Variants in BPGM observed in about 807,000 individuals in gnomAD.
BPGM encodes bisphosphoglycerate mutase, also known as 2,3-bisphosphoglycerate mutase, erythrocyte.
Under a neutral mutation model 21.6 loss-of-function variants are expected in BPGM, and 15 were observed. That is an observed-to-expected ratio of 0.70 (90% CI 0.47 to 1.07). BPGM has a LOEUF of 1.07. BPGM is among the 50% of genes least tolerant of loss of function. BPGM has a pLI of 0.00. For missense variants in BPGM, 273 were observed against 319.0 expected, an observed-to-expected ratio of 0.86 and a Z score of 1.10; for synonymous variants, 113 against 116.2, an observed-to-expected ratio of 0.97 and a Z score of 0.18.
chr7:134,678,237 G>A (rs938281258), intron 2 of BPGM, among the ~76,000 whole-genome samples: 2 of 152,148 alleles, frequency 1.3e-5, no homozygotes, highest in African/African-American at 4.8e-5. Context: ...TTAGCAGCTG[G>A]AATGTTCAGG....
At chr7:134,675,820 T>A (rs1390077802) in intron 2 of BPGM, among the ~76,000 whole-genome samples, 2 of 152,208 alleles carry the variant, frequency 1.3e-5, no homozygotes, top group Non-Finnish European at 1.5e-5. Flanking sequence ...TTAGGAAATA[T>A]TGCCCTCTTA....
At chr7:134,669,799 A>G (rs560886762) in intron 2 of BPGM, among the ~76,000 whole-genome samples, 7 of 152,328 alleles carry the variant, frequency 4.6e-5, no homozygotes, top group Admixed American at 4.6e-4. Flanking sequence ...AGAATATTAT[A>G]TAGTAAAAAA....
intron 1 of BPGM, chr7:134,658,451 G>T (rs1795676496): frequency 6.6e-6 from 1 of 152,234 alleles, no homozygotes; most frequent in South Asian, 2.1e-4. Flanking sequence ...CATGGTCCTT[G>T]CAGGTCACTG....
intron 1 of BPGM, among the ~76,000 whole-genome samples, chr7:134,655,471 C>T (rs1464257642): frequency 6.6e-6 from 1 of 152,138 alleles, no homozygotes; most frequent in Non-Finnish European, 1.5e-5. Flanking sequence ...GGGTTGAAGG[C>T]AGAAGACCAG....
In BPGM at chr7:134,679,481, T is replaced by C. The variant is rs1163286856; in HGVS notation, c.*450T>C. On this transcript the variant is annotated 3_prime_UTR_variant, in exon 3 of 3. Transcript: ENST00000344924. ...ATATACCGTATGTATTTATTACTAG[T>C]CTTTTCCTCTAGGAAAAGGGATACT... 6.4e-6 allele frequency: 1 copy of C among 156,784 alleles called. No homozygotes were observed. Among genetic ancestry groups the C allele is most frequent in the Non-Finnish European group, 1.4e-5 (1 of 70,602 alleles). 9.7% of individuals were successfully genotyped at this position (156,784 alleles called of 1,614,324 possible).
intron 2 of BPGM, among the ~76,000 whole-genome samples, chr7:134,676,294 GCA>G (rs1190587666): frequency 6.6e-6 from 1 of 152,118 alleles, no homozygotes. Context: ...CACTGCAAAG[GCA>G]CACATCTATG....
chr7:134,678,848 A>G lies in BPGM; in HGVS notation c.602-5A>G, dbSNP rs763081079. The stretch of plus-strand genomic sequence containing the variant: ...CACCTGGTCTCTTCCTGTCCTGATC[A>G]ACAGGTATCTCAGATGAAGACATCA... On this transcript the variant is annotated splice_region_variant and splice_polypyrimidine_tract_variant and intron_variant, in intron 2 of 2. Transcript: ENST00000344924. The G allele has an allele frequency of 6.2e-7, 1 of 1,613,094 alleles. No homozygotes were observed. Among genetic ancestry groups the G allele is most frequent in the Non-Finnish European group, 8.5e-7 (1 of 1,179,056 alleles).
At chr7:134,675,792 T>C (rs1795976277) in intron 2 of BPGM, among the ~76,000 whole-genome samples, 1 of 152,194 alleles carries the variant, frequency 6.6e-6, no homozygotes, top group African/African-American at 2.4e-5. Context: ...TAGGATTGTA[T>C]TGAATCTGTA....
At chr7:134,654,301 A>T (rs1795603571) in intron 1 of BPGM, among the ~76,000 whole-genome samples, 1 of 152,242 alleles carries the variant, frequency 6.6e-6, no homozygotes, top group South Asian at 2.1e-4. Flanking sequence ...TTTATGAGTC[A>T]TCCATTTTAA....
chr7:134,675,444 G>A (rs1437861470), intron 2 of BPGM, among the ~76,000 whole-genome samples: 2 of 152,018 alleles, frequency 1.3e-5, no homozygotes, highest in Admixed American at 6.5e-5. Flanking sequence ...TGAGTCAGGG[G>A]TCCAACTTCA....
chr7:134,648,430 C>T (rs1035636909), intron 1 of BPGM, among the ~76,000 whole-genome samples: 4 of 152,104 alleles, frequency 2.6e-5, no homozygotes, highest in Admixed American at 6.6e-5. Context: ...CTACCGCGCC[C>T]GGCCTTCTTT....
chr7:134,674,328 A>G (rs1223158714), intron 2 of BPGM, among the ~76,000 whole-genome samples: 1 of 152,172 alleles, frequency 6.6e-6, no homozygotes, highest in Non-Finnish European at 1.5e-5. Flanking sequence ...TAAATCCATT[A>G]CCACAATCAA....
chr7:134,647,391 G>A (rs1224289349), intron 1 of BPGM: 1 of 152,146 alleles, frequency 6.6e-6, no homozygotes, highest in African/African-American at 2.4e-5. Flanking sequence ...ACTCGAATGC[G>A]GTGAAAAGAG....
intron 1 of BPGM, among the ~76,000 whole-genome samples, chr7:134,649,489 G>T (rs56719129): frequency 0.012 from 1,810 of 152,016 alleles, 25 homozygotes; most frequent in East Asian, 0.078. Context: ...ATCTTTGTGT[G>T]TCTGGGGCCT....
chr7:134,657,340 A>G (rs551770755), intron 1 of BPGM, among the ~76,000 whole-genome samples: 2 of 152,336 alleles, frequency 1.3e-5, no homozygotes, highest in East Asian at 3.9e-4. Flanking sequence ...AGAACCTGAC[A>G]TGCTCAAGGA....
intron 1 of BPGM, among the ~76,000 whole-genome samples, chr7:134,657,275 G>A (rs1795653692): frequency 1.3e-5 from 2 of 152,184 alleles, no homozygotes; most frequent in Admixed American, 1.3e-4. Flanking sequence ...GAGAAGAGAT[G>A]AAGGGTGAGT....
rs752321133 is a variant in BPGM, at chr7:134,661,551, C to T, written c.44C>T (p.Ala15Val). 35 of 1,614,028 alleles carry T rather than the reference C, an allele frequency of 2.2e-5. No homozygotes were observed. Among genetic ancestry groups the T allele is most frequent in the African/African-American group, 5.3e-5 (4 of 74,904 alleles). ...KLIMLRHGEG[A>V]WNKENRFCSW... The stretch of plus-strand genomic sequence containing the variant: ...ATTATGTTAAGACATGGAGAGGGTG[C>T]TTGGAATAAGGAGAACCGTTTTTGT... Residue 15 changes from alanine (A) to valine (V), a missense_variant, in exon 2 of 3, where the codon GCT (alanine) becomes GTT (valine). By Grantham distance (64) the Ala-to-Val change is moderately conservative (BLOSUM62 0). Transcript: ENST00000344924. The surrounding 1 kb of genome is among the most constrained non-coding windows in gnomAD (Gnocchi z 4.6).
rs924611781 is a variant in BPGM at position 134,666,077 on chromosome 7, G to C, written c.601+3969G>C. On this transcript the variant is annotated intron_variant, in intron 2 of 2. Transcript: ENST00000344924. ...AATTTTTTAGTAGAGATGGGGTTTT[G>C]CCACGTTTGCCAGGCAGGTCTCGAA... Among the ~76,000 whole-genome samples the C allele has an allele frequency of 4.0e-5, 6 of 151,704 alleles. No individual in the cohort carries two copies. The East Asian group carries it at 1.2e-3, about 30-fold the overall frequency.
At chr7:134,665,197 A>G (rs1360569387) in intron 2 of BPGM, among the ~76,000 whole-genome samples, 4 of 152,132 alleles carry the variant, frequency 2.6e-5, no homozygotes, top group African/African-American at 9.7e-5. Context: ...TACGGAAGTG[A>G]TAACAAAACT....
Sources: gnomAD v4.1 joint callset for allele counts (sites outside exome capture counted in the v4.1 genomes callset) on GRCh38, gnomAD v4.1.1 for gene constraint, Gnocchi (gnomAD v3.1) non-coding constraint, MANE v1.5 for transcripts, NCBI Gene and HGNC (gene_info 2026-07-23, HGNC 2026-07-21) for gene names.